Variants in RALY observed in about 807,000 individuals in gnomAD.
RALY encodes the protein RNA-binding protein Raly.
Under a neutral mutation model 30.7 loss-of-function variants are expected in RALY, and 15 were observed. The observed-to-expected ratio is 0.49, with a 90% CI of 0.33 to 0.75. RALY has a LOEUF of 0.75. Among genes scored for constraint, RALY ranks in the 30% least tolerant of loss-of-function variants. The pLI is 0.02. For missense variants in RALY, 339 were observed against 414.3 expected (o/e 0.82, Z 1.58); for synonymous variants, 177 against 170.8 (o/e 1.04, Z -0.28).
rs1241475935 is a variant in RALY, at chr20:34,040,096, GT to G, written c.-10+8493del. Reference sequence around the variant, plus strand: ...ACTGCACTCCAGCCTGGGCGACAGAGTGAGACCCCATCTCAAAAAAAAAAAA... The same window carrying G: ...ACTGCACTCCAGCCTGGGCGACAGAGGAGACCCCATCTCAAAAAAAAAAAA... On this transcript the variant is annotated intron_variant, in intron 2 of 9. Coordinates refer to ENST00000246194, the MANE Select transcript of RALY (RefSeq NM_016732.3). Among the ~76,000 whole-genome samples, 2 of 151,592 alleles carry G rather than the reference GT, an allele frequency of 1.3e-5. 1 individual carries two copies. The highest frequency in any genetic ancestry group is 1.3e-4 in the Admixed American group (2 of 15,222).
In RALY at chr20:34,079,973, A is replaced by ACCCAACCCTGGATGCCACCC. The variant is rs1387104021; in HGVS notation, c.*73_*92dup. Reference sequence around the variant, plus strand: ...CGCTGCCCCAGGCCTCAAGCCGGGCACCCAACCCTGGATGCCACCCCCCAG... The same window carrying ACCCAACCCTGGATGCCACCC: ...CGCTGCCCCAGGCCTCAAGCCGGGCACCCAACCCTGGATGCCACCCCCCAACCCTGGATGCCACCCCCCAG... On this transcript the variant is annotated 3_prime_UTR_variant, in exon 10 of 10. Transcript: ENST00000246194. 6.6e-6 allele frequency: 1 copy of ACCCAACCCTGGATGCCACCC among 152,420 alleles called. No homozygotes were observed. Among genetic ancestry groups the ACCCAACCCTGGATGCCACCC allele is most frequent in the Admixed American group, 6.5e-5 (1 of 15,282 alleles). The allele number at this position is 152,420 out of a possible 1,614,324, so 9.4% of individuals were successfully genotyped here.
intron 2 of RALY, among the ~76,000 whole-genome samples, chr20:34,044,836 A>G (rs920493852): frequency 6.6e-6 from 1 of 152,232 alleles, no homozygotes; most frequent in South Asian, 2.1e-4. Flanking sequence ...TCAGTTATCC[A>G]TTCAACAGAT....
chr20:34,075,350 C>A (rs2033844725), intron 5 of RALY, among the ~76,000 whole-genome samples: 1 of 152,070 alleles, frequency 6.6e-6, no homozygotes, highest in Admixed American at 6.5e-5. Context: ...TAACCGAATT[C>A]TTTCATGCTG....
At chr20:34,023,148 A>G (rs780224593) in intron 1 of RALY, among the ~76,000 whole-genome samples, 3 of 152,170 alleles carry the variant, frequency 2.0e-5, no homozygotes, top group Non-Finnish European at 2.9e-5. Context: ...AGGGCCAGGC[A>G]CTAGTCTAGG....
intron 2 of RALY, among the ~76,000 whole-genome samples, chr20:34,071,836 A>G (rs1047875306): frequency 2.6e-5 from 4 of 152,174 alleles, no homozygotes; most frequent in African/African-American, 9.7e-5. Context: ...TCTGCATATC[A>G]TGTGAGTAAC....
At chr20:34,071,574 G>A (rs544732715) in intron 2 of RALY, among the ~76,000 whole-genome samples, 2 of 152,210 alleles carry the variant, frequency 1.3e-5, no homozygotes, top group South Asian at 4.2e-4. Context: ...CACCATGCCC[G>A]GCCCCTGCAA....
In RALY at chr20:34,073,802, C is replaced by G. The variant is rs752402887; in HGVS notation, c.330-17C>G. On this transcript the variant is annotated splice_polypyrimidine_tract_variant and intron_variant, in intron 4 of 9. Transcript: ENST00000246194. ...GGCCGTCCCTAAGCTCCAGCCCTCT[C>G]CCCTTTGTTTCCCCAGTGGCTACAT... The G allele has an allele frequency of 1.2e-6, 2 of 1,613,888 alleles. No individual in the cohort carries two copies. The highest frequency in any genetic ancestry group is 1.1e-5 in the South Asian group (1 of 91,074).
At chr20:34,048,278 C>G (rs183520384) in intron 2 of RALY, among the ~76,000 whole-genome samples, 1 of 152,286 alleles carries the variant, frequency 6.6e-6, no homozygotes, top group East Asian at 1.9e-4. Flanking sequence ...TGGGAGGCTC[C>G]TGACAGCAGA....
chr20:34,079,687 T>C (rs1183844009), intron 9 of RALY, among the ~76,000 whole-genome samples: 1 of 152,142 alleles, frequency 6.6e-6, no homozygotes, highest in Non-Finnish European at 1.5e-5. Flanking sequence ...TTAAAATAGT[T>C]CACAGGTGAG....
In RALY at chr20:34,015,619, G is replaced by A. The variant is rs2031576765; in HGVS notation, c.-92-15903G>A. Among the ~76,000 whole-genome samples, 3 of 152,010 alleles carry A rather than the reference G, an allele frequency of 2.0e-5. 1 individual carries two copies. The highest frequency in any genetic ancestry group is 4.2e-4 in the South Asian group (2 of 4,814). On this transcript the variant is annotated intron_variant, in intron 1 of 9. Coordinates refer to ENST00000246194, the MANE Select transcript of RALY (RefSeq NM_016732.3). The stretch of plus-strand genomic sequence containing the variant: ...TTTTTAACCTCCCACAGTGCTGGGG[G>A]TGTCATTATCATTTTATTTTTCGTA...
chr20:34,065,861 G>A (rs1397306554), intron 2 of RALY, among the ~76,000 whole-genome samples: 1 of 152,182 alleles, frequency 6.6e-6, no homozygotes, highest in African/African-American at 2.4e-5. Flanking sequence ...CCAAGACAGA[G>A]ACTATAAATA....
At chr20:34,013,368 T>A (rs2031485210) in intron 1 of RALY, among the ~76,000 whole-genome samples, 1 of 150,256 alleles carries the variant, frequency 6.7e-6, no homozygotes, top group African/African-American at 2.4e-5. Flanking sequence ...AAGCCTTGAT[T>A]GTGTTACTAT....
chr20:34,002,047 G>A (rs1018320809), intron 1 of RALY, among the ~76,000 whole-genome samples: 1 of 152,200 alleles, frequency 6.6e-6, no homozygotes, highest in Non-Finnish European at 1.5e-5. Context: ...GATTACAGGC[G>A]TGAGCAGCCG....
intron 2 of RALY, among the ~76,000 whole-genome samples, chr20:34,040,486 T>C (rs1453689847): frequency 6.6e-6 from 1 of 152,198 alleles, no homozygotes; most frequent in East Asian, 1.9e-4. Context: ...GCTCTTAGAA[T>C]AGCACAACAG....
intron 2 of RALY, among the ~76,000 whole-genome samples, chr20:34,062,168 C>T (rs915294652): frequency 6.6e-6 from 1 of 152,120 alleles, no homozygotes; most frequent in African/African-American, 2.4e-5. Context: ...TCTGGTTCCA[C>T]AGCACCTAGC....
chr20:34,014,442 G>A (rs2031530496), intron 1 of RALY, among the ~76,000 whole-genome samples: 1 of 152,158 alleles, frequency 6.6e-6, no homozygotes, highest in African/African-American at 2.4e-5. Context: ...AATTCTGCGG[G>A]TAAACGTGAC....
chr20:33,996,166 G>A (rs963307064), intron 1 of RALY, among the ~76,000 whole-genome samples: 12 of 152,132 alleles, frequency 7.9e-5, no homozygotes, highest in Admixed American at 4.6e-4. Context: ...TTACTGTGAG[G>A]GAATGGAGAC....
At chr20:34,073,428 T>C (rs2033786856) in intron 3 of RALY, 135 bp from the exon 4 acceptor site, 3 of 767,424 alleles carry the variant, frequency 3.9e-6, no homozygotes, top group Non-Finnish European at 6.6e-6. Flanking sequence ...TGAAGACCTT[T>C]GTTGGCACCA....
At chr20:34,028,954 G>A (rs538518626) in intron 1 of RALY, among the ~76,000 whole-genome samples, 13 of 152,182 alleles carry the variant, frequency 8.5e-5, no homozygotes, top group African/African-American at 3.1e-4. Flanking sequence ...AGGTGACTGG[G>A]AGCCATGACT....
Sources: gnomAD v4.1 joint callset for allele counts (sites outside exome capture counted in the v4.1 genomes callset) on GRCh38, gnomAD v4.1.1 for gene constraint, MANE v1.5 for transcripts, NCBI Gene and HGNC (gene_info 2026-07-23, HGNC 2026-07-21) for gene names.